The following LINGO2 variants were observed in gnomAD, a reference collection of about 807,000 sequenced individuals.
The protein encoded by LINGO2 is leucine-rich repeat and immunoglobulin-like domain-containing nogo receptor-interacting protein 2.
LINGO2 carries 14 observed loss-of-function variants against 30.6 expected under a neutral mutation model. The observed-to-expected ratio is 0.46, with a 90% CI of 0.30 to 0.72. The LOEUF is 0.72. Among genes scored for constraint, LINGO2 ranks in the 30% least tolerant of loss-of-function variants. The pLI is 0.07. For synonymous variants in LINGO2, 317 were observed against 288.5 expected, an observed-to-expected ratio of 1.10 and a Z score of -1.00; for missense variants, 729 against 751.7, an observed-to-expected ratio of 0.97 and a Z score of 0.35.
chr9:28,949,730 A>G, the LINGO2 span, among the ~76,000 whole-genome samples: 1 of 152,164 alleles, frequency 6.6e-6, no homozygotes. Context: ...AAACAATAGA[A>G]AAAGAGGGAC....
intron 3 of LINGO2, among the ~76,000 whole-genome samples, chr9:28,364,772 A>G (rs1249791428): frequency 6.6e-6 from 1 of 152,240 alleles, no homozygotes; most frequent in Non-Finnish European, 1.5e-5. Flanking sequence ...TTGCATTACA[A>G]TTGTCCAGAT....
chr9:28,383,425 C>T (rs934437664), intron 2 of LINGO2, among the ~76,000 whole-genome samples: 1 of 151,962 alleles, frequency 6.6e-6, no homozygotes, highest in Non-Finnish European at 1.5e-5. Flanking sequence ...AGTCCGTGAT[C>T]ACATTGGAGG....
chr9:28,202,461 T>C (rs943128343), intron 4 of LINGO2, among the ~76,000 whole-genome samples: 8 of 152,172 alleles, frequency 5.3e-5, no homozygotes, highest in African/African-American at 1.7e-4. Flanking sequence ...TGATGTCTTC[T>C]GAAAACCACT....
rs189648811 is a variant in LINGO2, at chr9:28,186,820, G to A, written c.-87+108388C>T. Among the ~76,000 whole-genome samples the A allele has an allele frequency of 1.8e-3, 272 of 152,140 alleles. 1 individual carries two copies. Among genetic ancestry groups the A allele is most frequent in the Admixed American group, 3.0e-3 (46 of 15,274 alleles). ...CAAGCAGCAAGAGGACCAGGGTGCC[G>A]GAGCAGATCAGCAAGGAGAAGTGTA... On this transcript the variant is annotated intron_variant, in intron 4 of 5. Transcript: ENST00000379992.
chr9:29,028,141 T>C, the LINGO2 span, among the ~76,000 whole-genome samples: 2 of 152,142 alleles, frequency 1.3e-5, no homozygotes, highest in Non-Finnish European at 2.9e-5. Flanking sequence ...ACACAGAACA[T>C]TGGAGACTAT....
intron 5 of LINGO2, among the ~76,000 whole-genome samples, chr9:27,991,256 T>A (rs953429935): frequency 1.3e-5 from 2 of 152,012 alleles, no homozygotes; most frequent in African/African-American, 4.8e-5. Flanking sequence ...AAGGATTTTT[T>A]TCCATACTGA....
At chr9:28,398,491 C>G (rs1822139749) in intron 2 of LINGO2, among the ~76,000 whole-genome samples, 1 of 151,706 alleles carries the variant, frequency 6.6e-6, no homozygotes, top group South Asian at 2.1e-4. Context: ...TACAGTTTGG[C>G]AAAAATGTAA....
the LINGO2 span, among the ~76,000 whole-genome samples, chr9:28,695,138 G>A: frequency 2.6e-5 from 4 of 151,784 alleles, no homozygotes; most frequent in Admixed American, 2.0e-4. Context: ...TTTTGACAGT[G>A]AACAAAGTTT....
intron 2 of LINGO2, among the ~76,000 whole-genome samples, chr9:28,402,644 C>G (rs1045531173): frequency 1.3e-5 from 2 of 151,986 alleles, no homozygotes; most frequent in Middle Eastern, 3.4e-3. Context: ...CCTTCACTCT[C>G]TCCTCCAACA....
intron 2 of LINGO2, among the ~76,000 whole-genome samples, chr9:28,375,030 G>C (rs1453112548): frequency 1.3e-5 from 2 of 150,580 alleles, no homozygotes; most frequent in Non-Finnish European, 3.0e-5. Flanking sequence ...TCTGGACTTT[G>C]TTATGTTTCT....
rs967579073 is a variant in LINGO2 at position 28,400,409 on chromosome 9, T to C, written c.-278-27541A>G. On this transcript the variant is annotated intron_variant, in intron 2 of 5. Coordinates refer to ENST00000379992, the Ensembl canonical transcript of LINGO2. ...ATGATGTTATATGAATAGCTTAAAA[T>C]TAGGCATGGTAGGTGAATTTACATC... Among the ~76,000 whole-genome samples, 3 of 152,262 alleles carry C rather than the reference T, an allele frequency of 2.0e-5. No homozygotes were observed. In the East Asian group the frequency reaches 5.8e-4, roughly 29 times the overall value.
chr9:28,252,225 C>A (rs1474146296), intron 4 of LINGO2, among the ~76,000 whole-genome samples: 2 of 151,728 alleles, frequency 1.3e-5, no homozygotes, highest in African/African-American at 4.8e-5. Context: ...CATAGTAACA[C>A]TTTTTTTTGT....
chr9:28,028,797 T>G (rs1823516262), intron 4 of LINGO2, among the ~76,000 whole-genome samples: 1 of 152,162 alleles, frequency 6.6e-6, no homozygotes, highest in Non-Finnish European at 1.5e-5. Context: ...AATCCATGGA[T>G]GAGAATCCAC....
intron 1 of LINGO2, among the ~76,000 whole-genome samples, chr9:28,513,246 C>A (rs1587787000): frequency 6.6e-6 from 1 of 152,266 alleles, no homozygotes; most frequent in East Asian, 1.9e-4. Context: ...ATCAGTCAAC[C>A]AATCTGCAAT....
intron 4 of LINGO2, among the ~76,000 whole-genome samples, chr9:28,118,189 T>C (rs1015326531): frequency 6.6e-6 from 1 of 152,108 alleles, no homozygotes; most frequent in African/African-American, 2.4e-5. Flanking sequence ...GGCACATGTT[T>C]ACCTGTGTAG....
chr9:28,229,685 G>A (rs6476046), intron 4 of LINGO2, among the ~76,000 whole-genome samples: 85,044 of 151,486 alleles, frequency 0.56, 24,764 homozygotes, highest in African/African-American at 0.73. Context: ...GTGATAATCA[G>A]ATAGAAATAT....
chr9:28,191,291 G>A lies in LINGO2; in HGVS notation c.-87+103917C>T, dbSNP rs375492421. On this transcript the variant is annotated intron_variant, in intron 4 of 5. Transcript: ENST00000379992. ...CTTGACATTTGACTATTTATAGTAG[G>A]CCTGTATAAAACTGTTTCATCATAT... is the stretch of plus-strand genomic sequence containing the variant. 1.4e-3 allele frequency among the ~76,000 whole-genome samples: 216 copies of A among 152,266 alleles called. 5 individuals carry two copies. The South Asian group carries it at 0.036, about 25-fold the overall frequency.
chr9:28,321,635 A>T (rs1236866508), intron 3 of LINGO2, among the ~76,000 whole-genome samples: 1 of 152,224 alleles, frequency 6.6e-6, no homozygotes, highest in Non-Finnish European at 1.5e-5. Context: ...AAAGCAGAGA[A>T]GTGCTATAAT....
chr9:28,719,677 C>T, the LINGO2 span, among the ~76,000 whole-genome samples: 1 of 151,952 alleles, frequency 6.6e-6, no homozygotes, highest in African/African-American at 2.4e-5. Flanking sequence ...TCATTATACA[C>T]TTCCTGAAAA....
Sources: allele counts gnomAD v4.1 joint callset (sites outside exome capture counted in the v4.1 genomes callset), GRCh38; gene constraint gnomAD v4.1.1; transcripts MANE v1.5; gene names NCBI Gene and HGNC (gene_info 2026-07-23, HGNC 2026-07-21).